Variants in TENM3 observed in about 807,000 individuals in gnomAD.
TENM3 encodes teneurin transmembrane protein 3.
TENM3 carries 63 observed loss-of-function variants against 255.1 expected under a neutral mutation model. The observed-to-expected ratio is 0.25, with a 90% CI of 0.20 to 0.30. TENM3 has a LOEUF of 0.30. TENM3 is among the 10% of genes least tolerant of loss of function. The pLI is 1.00. For missense variants in TENM3, 2,929 were observed against 3,461.1 expected (o/e 0.85, Z 3.86); for synonymous variants, 1,306 against 1,322.3 (o/e 0.99, Z 0.27).
At chr4:182,169,213 C>G (rs1001320602) in intron 1 of TENM3, 2 of 462,168 alleles carry the variant, frequency 4.3e-6, no homozygotes, top group East Asian at 7.0e-5. Flanking sequence ...ATTTTTGAAG[C>G]CTGCAGTCTG....
chr4:182,607,927 C>T (rs1294138007), intron 4 of TENM3, among the ~76,000 whole-genome samples: 2 of 152,176 alleles, frequency 1.3e-5, no homozygotes, highest in East Asian at 1.9e-4. Context: ...CTTTTTTGAA[C>T]GTGAACAGTG....
chr4:181,617,347 T>C, the TENM3 span, among the ~76,000 whole-genome samples: 3 of 152,320 alleles, frequency 2.0e-5, no homozygotes, highest in East Asian at 3.9e-4. Flanking sequence ...GTAGGCGTCA[T>C]GAAGTAACTA....
At chr4:181,698,700 C>T in the TENM3 span, among the ~76,000 whole-genome samples, 3 of 152,220 alleles carry the variant, frequency 2.0e-5, no homozygotes, top group Admixed American at 6.5e-5. Context: ...GGCAAATCAC[C>T]TAACTTCGTT....
the TENM3 span, among the ~76,000 whole-genome samples, chr4:181,631,161 G>A: frequency 6.6e-6 from 1 of 152,150 alleles, no homozygotes; most frequent in African/African-American, 2.4e-5. Context: ...TCAGTCCTCA[G>A]TCCAGCATCC....
chr4:182,113,758 A>C, the TENM3 span, among the ~76,000 whole-genome samples: 1 of 152,122 alleles, frequency 6.6e-6, no homozygotes, highest in South Asian at 2.1e-4. Flanking sequence ...ACAGAGAGGA[A>C]GAGAGAATTA....
chr4:181,499,403 T>C, the TENM3 span, among the ~76,000 whole-genome samples: 1 of 152,158 alleles, frequency 6.6e-6, no homozygotes, highest in Non-Finnish European at 1.5e-5. Flanking sequence ...ACCTAGCATC[T>C]AAAGGGAAGG....
intron 3 of TENM3, among the ~76,000 whole-genome samples, chr4:182,438,109 C>A (rs1347096281): frequency 6.6e-6 from 1 of 152,058 alleles, no homozygotes; most frequent in East Asian, 1.9e-4. Flanking sequence ...TAAGAGTTAC[C>A]AAGGTTACAC....
At chr4:182,452,341 G>C (rs191367676) in intron 3 of TENM3, among the ~76,000 whole-genome samples, 1 of 151,880 alleles carries the variant, frequency 6.6e-6, no homozygotes, top group East Asian at 1.9e-4. Context: ...GGGGACGGGG[G>C]GCGGGGGGGT....
chr4:182,283,827 G>C (rs1341079607), intron 1 of TENM3, among the ~76,000 whole-genome samples: 1 of 152,138 alleles, frequency 6.6e-6, no homozygotes, highest in Non-Finnish European at 1.5e-5. Flanking sequence ...GGTGTTTGTT[G>C]TCTTATTTTT....
chr4:182,504,463 G>A (rs377284873), intron 3 of TENM3, among the ~76,000 whole-genome samples: 1 of 150,590 alleles, frequency 6.6e-6, no homozygotes, highest in Admixed American at 6.6e-5. Flanking sequence ...CTGTAAAAGT[G>A]TTGGAGTAAA....
At chr4:181,896,297 C>T in the TENM3 span, among the ~76,000 whole-genome samples, 1 of 151,994 alleles carries the variant, frequency 6.6e-6, no homozygotes, top group African/African-American at 2.4e-5. Context: ...TTAAGTAAGT[C>T]AATTAATCCT....
intron 1 of TENM3, among the ~76,000 whole-genome samples, chr4:182,224,004 A>C (rs1385301430): frequency 6.6e-6 from 1 of 152,198 alleles, no homozygotes. Context: ...CCTCTTTCAG[A>C]ATCCAAAACT....
At chr4:181,523,047 G>A in the TENM3 span, 13 of 596,386 alleles carry the variant, frequency 2.2e-5, no homozygotes, top group African/African-American at 9.2e-5. Flanking sequence ...AATCGCAAAC[G>A]GACTCAGATT....
intron 3 of TENM3, among the ~76,000 whole-genome samples, chr4:182,387,468 A>G (rs1056380460): frequency 3.3e-5 from 5 of 152,144 alleles, no homozygotes. Context: ...AATCAGCAGG[A>G]TGTGGGTGGG....
chr4:182,046,882 A>G, the TENM3 span, among the ~76,000 whole-genome samples: 11 of 152,162 alleles, frequency 7.2e-5, no homozygotes, highest in Admixed American at 5.9e-4. Context: ...TAGCGTGCAG[A>G]TATCGTCAAT....
chr4:182,132,714 T>G, the TENM3 span, among the ~76,000 whole-genome samples: 1 of 152,222 alleles, frequency 6.6e-6, no homozygotes, highest in Non-Finnish European at 1.5e-5. Flanking sequence ...GGCATTGCTC[T>G]TTCATTAAAC....
chr4:182,610,989 C>G (rs1385311851), intron 4 of TENM3, among the ~76,000 whole-genome samples: 1 of 150,874 alleles, frequency 6.6e-6, no homozygotes, highest in African/African-American at 2.4e-5. Context: ...TCATGTGATG[C>G]TCTCACCTCA....
chr4:182,313,194 G>T (rs994234525), intron 1 of TENM3, among the ~76,000 whole-genome samples: 6 of 151,502 alleles, frequency 4.0e-5, no homozygotes, highest in African/African-American at 1.5e-4. Flanking sequence ...TGAGAGTTAA[G>T]CCACTTTTCT....
chr4:182,116,121 A>T, the TENM3 span, among the ~76,000 whole-genome samples: 3 of 152,314 alleles, frequency 2.0e-5, no homozygotes, highest in Non-Finnish European at 4.4e-5. Context: ...CAAATATATG[A>T]CATGTATCCA....
Sources: allele counts gnomAD v4.1 joint callset (sites outside exome capture counted in the v4.1 genomes callset), GRCh38; gene constraint gnomAD v4.1.1; transcripts MANE v1.5; gene names NCBI Gene and HGNC (gene_info 2026-07-23, HGNC 2026-07-21).